WWOX: variants seen among roughly 807,000 people sequenced by gnomAD.
WWOX encodes the protein WW domain containing oxidoreductase, also known as WW domain-containing oxidoreductase.
WWOX carries 69 observed loss-of-function variants against 46.2 expected under a neutral mutation model. The ratio of observed to expected loss-of-function variants is 1.49; its 90% CI spans 1.23 to 1.82. The LOEUF is 1.82. Ranked by LOEUF, WWOX falls within the 40% of genes most tolerant of loss-of-function variation. The probability of loss-of-function intolerance (pLI) is 0.00; values close to 1 mark genes in which losing one functional copy is unlikely to be tolerated. For synonymous variants in WWOX, 359 were observed against 202.6 expected (o/e 1.77, Z -6.56); for missense variants, 919 against 542.6 (o/e 1.69, Z -6.89).
At chr16:78,257,112 G>A (rs916204800) in intron 5 of WWOX, among the ~76,000 whole-genome samples, 5 of 151,882 alleles carry the variant, frequency 3.3e-5, no homozygotes, top group African/African-American at 1.2e-4. Flanking sequence ...TCGTGGCGTG[G>A]GGTCTTCATC....
intron 8 of WWOX, among the ~76,000 whole-genome samples, chr16:79,071,652 C>T (rs977121594): frequency 6.6e-6 from 1 of 152,256 alleles, no homozygotes; most frequent in Non-Finnish European, 1.5e-5. Flanking sequence ...TTTTGCTAAA[C>T]CACTCTTGGG....
intron 8 of WWOX, among the ~76,000 whole-genome samples, chr16:78,476,593 C>A (rs1235895114): frequency 7.0e-6 from 1 of 141,928 alleles, no homozygotes; most frequent in East Asian, 2.1e-4. Context: ...TACCCTAGAA[C>A]TGAAAATATA....
At chr16:78,168,762 C>G (rs750543238) in intron 5 of WWOX, among the ~76,000 whole-genome samples, 6 of 152,088 alleles carry the variant, frequency 3.9e-5, no homozygotes, top group Non-Finnish European at 8.8e-5. Flanking sequence ...TTATAGAGCT[C>G]TCAAATTACT....
At chr16:78,743,972 A>G (rs1026666433) in intron 8 of WWOX, among the ~76,000 whole-genome samples, 11 of 152,076 alleles carry the variant, frequency 7.2e-5, no homozygotes, top group Non-Finnish European at 1.2e-4. Flanking sequence ...GTAAATCTCT[A>G]CTTTTGTTGT....
chr16:79,187,563 C>T (rs749852368), intron 8 of WWOX, among the ~76,000 whole-genome samples: 3 of 152,148 alleles, frequency 2.0e-5, no homozygotes, highest in Non-Finnish European at 4.4e-5. Context: ...CACCGCACAC[C>T]GCCACCACGC....
At chr16:78,354,091 G>C (rs753574632) in intron 5 of WWOX, among the ~76,000 whole-genome samples, 1 of 152,138 alleles carries the variant, frequency 6.6e-6, no homozygotes, top group Admixed American at 6.5e-5. Flanking sequence ...ATGTTTTCCA[G>C]AAAGGCTGTT....
At chr16:79,160,878 TACATAC>T (rs1261406514) in intron 8 of WWOX, among the ~76,000 whole-genome samples, 1 of 95,426 alleles carries the variant, frequency 1.0e-5, no homozygotes, top group Non-Finnish European at 1.9e-5. Context: ...ATAAATTGTG[TACATAC>T]ACATATACAT....
intron 8 of WWOX, among the ~76,000 whole-genome samples, chr16:78,475,107 T>C (rs528489908): frequency 6.6e-6 from 1 of 152,192 alleles, no homozygotes; most frequent in Non-Finnish European, 1.5e-5. Flanking sequence ...TGCTCATTAC[T>C]TGGTTCTTAA....
intron 5 of WWOX, chr16:78,168,583 A>AC (rs1291566959): frequency 2.0e-5 from 3 of 151,752 alleles, no homozygotes; most frequent in African/African-American, 7.3e-5. Flanking sequence ...TGTCTGCTCC[A>AC]CCCCATGGCC....
chr16:78,703,081 G>A (rs764513929), intron 8 of WWOX, among the ~76,000 whole-genome samples: 1 of 152,164 alleles, frequency 6.6e-6, no homozygotes, highest in African/African-American at 2.4e-5. Context: ...CCGATGATGG[G>A]ATGTTAGGTA....
intron 5 of WWOX, among the ~76,000 whole-genome samples, chr16:78,192,522 A>G (rs1011355751): frequency 1.3e-5 from 2 of 151,908 alleles, no homozygotes; most frequent in Admixed American, 6.6e-5. Flanking sequence ...GAAAGAAAAC[A>G]AAAACAAATA....
At chr16:78,336,751 T>G (rs532685813) in intron 5 of WWOX, among the ~76,000 whole-genome samples, 1 of 152,244 alleles carries the variant, frequency 6.6e-6, no homozygotes, top group East Asian at 1.9e-4. Flanking sequence ...ATAAAAATGG[T>G]ATTTCCTGAG....
intron 5 of WWOX, among the ~76,000 whole-genome samples, chr16:78,314,655 G>C (rs530122112): frequency 6.9e-5 from 10 of 145,322 alleles, no homozygotes; most frequent in Non-Finnish European, 1.2e-4. Context: ...CCCCTGAGTA[G>C]CTGGGACTAC....
At chr16:78,231,866 G>C (rs763525058) in intron 5 of WWOX, among the ~76,000 whole-genome samples, 1 of 149,904 alleles carries the variant, frequency 6.7e-6, no homozygotes, top group Non-Finnish European at 1.5e-5. Context: ...AGTTCTACTA[G>C]ACATGTCAAT....
At chr16:78,670,394 G>T (rs939280852) in intron 8 of WWOX, among the ~76,000 whole-genome samples, 1 of 152,188 alleles carries the variant, frequency 6.6e-6, no homozygotes, top group South Asian at 2.1e-4. Flanking sequence ...AGCATTATGA[G>T]CATTGCAGTG....
chr16:78,660,011 A>C (rs919941571), intron 8 of WWOX, among the ~76,000 whole-genome samples: 1 of 152,134 alleles, frequency 6.6e-6, no homozygotes, highest in South Asian at 2.1e-4. Context: ...ATTGATCCTC[A>C]TTTCCTATTA....
chr16:79,012,656 G>A (rs1597275711), intron 8 of WWOX, among the ~76,000 whole-genome samples: 1 of 152,216 alleles, frequency 6.6e-6, no homozygotes, highest in East Asian at 1.9e-4. Context: ...ACCAATGAAT[G>A]AGGGAACAAA....
At chr16:79,166,605 G>C (rs1171293456) in intron 8 of WWOX, among the ~76,000 whole-genome samples, 2 of 152,112 alleles carry the variant, frequency 1.3e-5, no homozygotes, top group African/African-American at 4.8e-5. Context: ...TATTTTTCGA[G>C]TTGTGCTGGT....
chr16:78,296,897 C>G (rs964595494), intron 5 of WWOX, among the ~76,000 whole-genome samples: 38 of 152,304 alleles, frequency 2.5e-4, no homozygotes, highest in African/African-American at 8.7e-4. Flanking sequence ...GAGACTTTCT[C>G]TTCTTCAGAT....
Sources: gnomAD v4.1 joint callset for allele counts (sites outside exome capture counted in the v4.1 genomes callset) on GRCh38, gnomAD v4.1.1 for gene constraint, MANE v1.5 for transcripts, NCBI Gene and HGNC (gene_info 2026-07-23, HGNC 2026-07-21) for gene names.